Variants in SLC18A1 observed in about 807,000 individuals in gnomAD.
SLC18A1 encodes chromaffin granule amine transporter.
In SLC18A1, 69 loss-of-function variants were observed where a neutral mutation model predicts 53.7. That is an observed-to-expected ratio of 1.28 (90% CI 1.06 to 1.57). The LOEUF is 1.57. SLC18A1 is among the 40% of genes most tolerant of loss of function. SLC18A1 has a pLI of 0.00. For missense variants in SLC18A1, 932 were observed against 668.1 expected, an observed-to-expected ratio of 1.40 and a Z score of -4.35; for synonymous variants, 320 against 248.1, an observed-to-expected ratio of 1.29 and a Z score of -2.72.
intron 2 of SLC18A1, among the ~76,000 whole-genome samples, chr8:20,180,425 T>C (rs1230512551): frequency 6.6e-6 from 1 of 152,178 alleles, no homozygotes; most frequent in Non-Finnish European, 1.5e-5. Context: ...AAGGTCTTGA[T>C]ACTAAATCAG....
chr8:20,163,118 C>T (rs772603040), intron 10 of SLC18A1, among the ~76,000 whole-genome samples: 3 of 152,138 alleles, frequency 2.0e-5, no homozygotes, highest in African/African-American at 4.8e-5. Context: ...GTCTGTTTGG[C>T]CACCTGGGGA....
intron 11 of SLC18A1, 61 bp downstream of exon 11, chr8:20,150,605 G>A (rs2071526722): frequency 1.4e-6 from 2 of 1,393,520 alleles, no homozygotes; most frequent in African/African-American, 1.4e-5. Context: ...TCCAAGATCA[G>A]GAACGGGCGC....
chr8:20,149,081 T>C (rs1034570263), intron 12 of SLC18A1, among the ~76,000 whole-genome samples: 2 of 152,188 alleles, frequency 1.3e-5, no homozygotes, highest in African/African-American at 4.8e-5. Context: ...CTTGTAGCCC[T>C]GTTCTTCTCT....
chr8:20,182,074 T>G (rs2072442203), intron 1 of SLC18A1: 1 of 152,246 alleles, frequency 6.6e-6, no homozygotes, highest in Non-Finnish European at 1.5e-5. Flanking sequence ...GGGGAGAATT[T>G]CATTTTCTTT....
chr8:20,182,080 T>C (rs1019523696), intron 1 of SLC18A1: 1 of 152,240 alleles, frequency 6.6e-6, no homozygotes, highest in African/African-American at 2.4e-5. Context: ...AATTTCATTT[T>C]CTTTGACGTG....
chr8:20,147,576 G>C, intron 14 of SLC18A1, 27 bp downstream of exon 14: 1 of 1,613,274 alleles, frequency 6.2e-7, no homozygotes, highest in Non-Finnish European at 8.5e-7. Context: ...ACAGGGGAAA[G>C]TGGGGCACCA....
Position 20,179,291 on chromosome 8 carries a change from A to T in SLC18A1, c.318T>A (p.Thr106=). 6.2e-7 allele frequency: 1 copy of T among 1,614,218 alleles called. No homozygotes were observed. Residue 106 remains threonine, a synonymous_variant, in exon 3 of 16, where the codon ACT becomes ACA. Coordinates refer to ENST00000276373, the MANE Select transcript of SLC18A1 (RefSeq NM_003053.4). ...TGGCTGGAGGTGGGATGGTGCTGGC[A>T]GTGTCATTCATCCATGCTATTCCAC... ...VPSGIAWMND[T]ASTIPPPATE...
chr8:20,158,905 C>T (rs997108721), intron 10 of SLC18A1, among the ~76,000 whole-genome samples: 4 of 152,136 alleles, frequency 2.6e-5, no homozygotes, highest in African/African-American at 9.7e-5. Flanking sequence ...CCATACTTGC[C>T]TGGTAAGCCT....
chr8:20,164,993 G>A (rs1300071207), intron 9 of SLC18A1, 29 bp from the exon 10 acceptor site: 1 of 1,613,718 alleles, frequency 6.2e-7, no homozygotes, highest in Non-Finnish European at 8.5e-7. Context: ...GAGCAGCCGT[G>A]GCTGCTTGAA....
intron 8 of SLC18A1, among the ~76,000 whole-genome samples, chr8:20,167,765 C>A (rs1386373010): frequency 1.3e-5 from 2 of 151,334 alleles, no homozygotes; most frequent in Non-Finnish European, 2.9e-5. Context: ...GGACTACAGG[C>A]ACCCACCGCC....
chr8:20,171,531 G>A lies in SLC18A1; in HGVS notation c.725-37C>T, dbSNP rs1304733104. 3 of 1,504,610 alleles carry A rather than the reference G, an allele frequency of 2.0e-6. No homozygotes were observed. In the African/African-American group the frequency reaches 4.1e-5, roughly 21 times the overall value. The allele number at this position is 1,504,610 out of a possible 1,614,324, so 93.2% of individuals were successfully genotyped here. ...TAGGAGACACAGATTCCAGAGGTGAGGGTGAGTCCTTTGCAGTGAGAATTA... is the reference window on the plus strand; with the variant it reads ...TAGGAGACACAGATTCCAGAGGTGAAGGTGAGTCCTTTGCAGTGAGAATTA... On this transcript the variant is annotated intron_variant, in intron 6 of 15. Transcript: ENST00000276373.
At chr8:20,180,226 G>T (rs1247741167) in intron 2 of SLC18A1, among the ~76,000 whole-genome samples, 3 of 151,428 alleles carry the variant, frequency 2.0e-5, no homozygotes, top group African/African-American at 7.3e-5. Context: ...ACAGAACTAT[G>T]AATAATGAGA....
At chr8:20,158,186 C>A (rs1418827902) in intron 10 of SLC18A1, among the ~76,000 whole-genome samples, 1 of 152,190 alleles carries the variant, frequency 6.6e-6, no homozygotes, top group Non-Finnish European at 1.5e-5. Context: ...GACACTGGTG[C>A]AGCCTTCTCA....
chr8:20,158,294 GTTGTGACTGGAGAAC>G (rs1409956602), intron 10 of SLC18A1, among the ~76,000 whole-genome samples: 1 of 152,160 alleles, frequency 6.6e-6, no homozygotes, highest in Non-Finnish European at 1.5e-5. Flanking sequence ...CAGCCACTAA[GTTGTGACTGGAGAAC>G]TTTGCTCTTT....
Position 20,171,438 on chromosome 8 carries a change from G to C in SLC18A1, c.781C>G (p.Leu261Val). The C allele has an allele frequency of 6.2e-7, 1 of 1,614,172 alleles. No homozygotes were observed. The highest frequency in any genetic ancestry group is 8.5e-7 in the Non-Finnish European group (1 of 1,180,028). ...AGTAGTGCCAGGAAGGCCAGGATGA[G>C]GAAGGGTGCAGACTTCCCAACAAAC... ...YEFVGKSAPF[L>V]ILAFLALLDG... Residue 261 changes from leucine (L) to valine (V), a missense_variant, in exon 7 of 16, where the codon CTC becomes GTC. Leu to Val is a conservative substitution (Grantham distance 32, BLOSUM62 1). Coordinates refer to ENST00000276373, the MANE Select transcript of SLC18A1 (RefSeq NM_003053.4).
At chr8:20,165,752 C>G (rs1054691229) in intron 8 of SLC18A1, among the ~76,000 whole-genome samples, 1 of 152,168 alleles carries the variant, frequency 6.6e-6, no homozygotes, top group African/African-American at 2.4e-5. Flanking sequence ...CTAAACTACA[C>G]GTTCTGAGCT....
chr8:20,175,224 A>C (rs2072226253), intron 4 of SLC18A1: 1 of 152,170 alleles, frequency 6.6e-6, no homozygotes, highest in Non-Finnish European at 1.5e-5. Flanking sequence ...TGCTCCCTGA[A>C]CATCTCCATT....
intron 10 of SLC18A1, among the ~76,000 whole-genome samples, chr8:20,158,564 C>G (rs907143439): frequency 6.6e-6 from 1 of 152,074 alleles, no homozygotes; most frequent in Non-Finnish European, 1.5e-5. Context: ...AAAGGCAGTA[C>G]CCCCTTAGAC....
rs138292256 is a variant in SLC18A1, at chr8:20,172,836, G to A, written c.724+200C>T. On this transcript the variant is annotated intron_variant, in intron 6 of 15. Transcript: ENST00000276373. The stretch of plus-strand genomic sequence containing the variant: ...ACTTCCTCCAACAGGCTGGGCTTCC[G>A]GACCTTTCTCCGACGTTTATGTGTT... Among the ~76,000 whole-genome samples the A allele has an allele frequency of 1.6e-3, 246 of 152,282 alleles. 2 individuals carry two copies. Among genetic ancestry groups the A allele is most frequent in the Admixed American group, 4.6e-3 (70 of 15,302 alleles).
Sources: gnomAD v4.1 joint callset for allele counts (sites outside exome capture counted in the v4.1 genomes callset) on GRCh38, gnomAD v4.1.1 for gene constraint, MANE v1.5 for transcripts, NCBI Gene and HGNC (gene_info 2026-07-23, HGNC 2026-07-21) for gene names.